Variants in TRAK1 observed in about 807,000 individuals in gnomAD.
TRAK1 encodes trafficking kinesin-binding protein 1.
In TRAK1, 33 loss-of-function variants were observed where a neutral mutation model predicts 92.1. That is an observed-to-expected ratio of 0.36 (90% CI 0.27 to 0.48). The LOEUF (loss-of-function observed/expected upper bound fraction) is 0.48, where lower values mean the gene tolerates loss of function less well. TRAK1 is among the 20% of genes least tolerant of loss of function. The pLI is 0.99. For synonymous variants in TRAK1, 521 were observed against 517.3 expected (o/e 1.01, Z -0.10); for missense variants, 1,123 against 1,257.9 (o/e 0.89, Z 1.62).
chr3:42,086,957 T>C (rs1308562376), upstream of TRAK1: 2 of 152,184 alleles, frequency 1.3e-5, no homozygotes, highest in East Asian at 3.8e-4. Flanking sequence ...AACTAAGCAA[T>C]GTGATTGGAG....
intron 1 of TRAK1, among the ~76,000 whole-genome samples, chr3:42,080,380 A>G (rs1485949208): frequency 6.6e-6 from 1 of 152,070 alleles, no homozygotes; most frequent in Non-Finnish European, 1.5e-5. Flanking sequence ...TATTCCTGGC[A>G]CCTCTTTTGC....
chr3:42,191,278 T>C (rs1057415400), intron 6 of TRAK1, among the ~76,000 whole-genome samples: 3 of 152,170 alleles, frequency 2.0e-5, no homozygotes, highest in African/African-American at 7.2e-5. Context: ...GTTCGTGGTG[T>C]TTTTAACAGA....
chr3:42,190,499 G>A (rs867214162), intron 6 of TRAK1, among the ~76,000 whole-genome samples: 14 of 152,084 alleles, frequency 9.2e-5, no homozygotes, highest in South Asian at 2.1e-4. Context: ...GCCAGTTGCT[G>A]GGCAAGGCAA....
chr3:42,040,553 T>G (rs1702493941), intron 1 of TRAK1, among the ~76,000 whole-genome samples: 1 of 152,206 alleles, frequency 6.6e-6, no homozygotes, highest in South Asian at 2.1e-4. Context: ...AAGACTGTTC[T>G]TTCCATATTG....
Position 42,194,970 on chromosome 3 carries a change from G to A in TRAK1, c.1113+29G>A, listed in dbSNP as rs1706382956. ...AGCTGTGCTTTCTTCCCAGCCAGAG[G>A]ACAGGAGGGGTTCTGGTGACAGGAG... On this transcript the variant is annotated intron_variant, in intron 10 of 15. Coordinates refer to ENST00000327628, the MANE Select transcript of TRAK1 (RefSeq NM_001042646.3). The A allele has an allele frequency of 1.9e-6, 3 of 1,611,614 alleles. No individual in the cohort carries two copies. In the Middle Eastern group the frequency reaches 5.0e-4, roughly 267 times the overall value.
At position 42,100,947 on chromosome 3, in the gene TRAK1, C is replaced by T. The variant is rs140885215; in HGVS notation, c.91+9387C>T. On this transcript the variant is annotated intron_variant, in intron 1 of 15. Transcript: ENST00000327628. ...CCTCCCAAAGTGCTGGGATTACAGGCGTGAGCCACCACGCCTGGCCAACTT... is the reference window on the plus strand; with the variant it reads ...CCTCCCAAAGTGCTGGGATTACAGGTGTGAGCCACCACGCCTGGCCAACTT... Among the ~76,000 whole-genome samples the T allele has an allele frequency of 5.7e-3, 865 of 152,354 alleles. 10 individuals carry two copies. Among genetic ancestry groups the T allele is most frequent in the African/African-American group, 0.02 (835 of 41,586 alleles).
intron 1 of TRAK1, among the ~76,000 whole-genome samples, chr3:42,025,941 C>G (rs1418860687): frequency 6.6e-6 from 1 of 152,222 alleles, no homozygotes; most frequent in Non-Finnish European, 1.5e-5. Context: ...AAATGCATCA[C>G]TATTTTTTTC....
chr3:42,191,330 C>T (rs1326410262), intron 6 of TRAK1, among the ~76,000 whole-genome samples: 2 of 152,138 alleles, frequency 1.3e-5, no homozygotes, highest in Non-Finnish European at 2.9e-5. Flanking sequence ...TGTGTGGCGC[C>T]CTCTAGTGGT....
At chr3:42,180,177 C>T (rs1220472369) in intron 3 of TRAK1, among the ~76,000 whole-genome samples, 1 of 152,112 alleles carries the variant, frequency 6.6e-6, no homozygotes, top group Non-Finnish European at 1.5e-5. Context: ...AAACTAGAGA[C>T]ACTACAATAA....
rs4234445 is a variant in TRAK1 at position 42,184,659 on chromosome 3, T to C, written c.364-26T>C. ...TCAGGAAACACAGGTCTTTTGAATCTCTGTTCTCCCTCTTTCCTTTTGTAG... is the reference window on the plus strand; with the variant it reads ...TCAGGAAACACAGGTCTTTTGAATCCCTGTTCTCCCTCTTTCCTTTTGTAG... On this transcript the variant is annotated intron_variant, in intron 3 of 15. Transcript: ENST00000327628. The C allele has an allele frequency of 0.7, 1,118,027 of 1,607,276 alleles. 392,762 individuals are homozygous for C. Among genetic ancestry groups the C allele is most frequent in the East Asian group, 0.99 (44,368 of 44,778 alleles).
chr3:42,104,432 A>AGAG (rs1264342786), intron 1 of TRAK1, among the ~76,000 whole-genome samples: 2 of 152,000 alleles, frequency 1.3e-5, no homozygotes, highest in Non-Finnish European at 2.9e-5. Context: ...AGCCTAACTG[A>AGAG]GAGGCAGCTC....
intron 1 of TRAK1, among the ~76,000 whole-genome samples, chr3:42,110,397 G>A (rs1708226761): frequency 6.6e-6 from 1 of 151,966 alleles, no homozygotes; most frequent in Non-Finnish European, 1.5e-5. Flanking sequence ...TAAGCTGAGA[G>A]CCATGCAAGG....
chr3:42,129,448 C>T (rs1047295806), intron 2 of TRAK1, among the ~76,000 whole-genome samples: 3 of 152,182 alleles, frequency 2.0e-5, no homozygotes, highest in Admixed American at 6.5e-5. Flanking sequence ...TGGAGAAACG[C>T]GGCTTTACCT....
At chr3:42,065,307 A>G (rs546075539) in intron 1 of TRAK1, among the ~76,000 whole-genome samples, 1 of 152,314 alleles carries the variant, frequency 6.6e-6, no homozygotes, top group East Asian at 1.9e-4. Context: ...TCCCTTTGCC[A>G]AAATGCTTGG....
chr3:42,110,646 C>T (rs1321896860), intron 1 of TRAK1, among the ~76,000 whole-genome samples: 4 of 152,114 alleles, frequency 2.6e-5, no homozygotes, highest in Non-Finnish European at 5.9e-5. Flanking sequence ...TGAGCTTTGC[C>T]ATTTGACAAC....
chr3:42,047,922 CTT>C (rs11422406), intron 1 of TRAK1, among the ~76,000 whole-genome samples: 11 of 129,182 alleles, frequency 8.5e-5, no homozygotes, highest in Non-Finnish European at 1.1e-4. Flanking sequence ...AGTTTCTTTT[CTT>C]TTTTTTTTTT....
At chr3:42,043,730 C>T (rs531322839) in intron 1 of TRAK1, among the ~76,000 whole-genome samples, 6 of 152,046 alleles carry the variant, frequency 3.9e-5, no homozygotes, top group Middle Eastern at 6.8e-3. Flanking sequence ...TTGGTATTTC[C>T]GGTTCTCCCA....
At chr3:42,100,662 C>T (rs1051939268) in intron 1 of TRAK1, among the ~76,000 whole-genome samples, 2 of 152,150 alleles carry the variant, frequency 1.3e-5, no homozygotes, top group African/African-American at 2.4e-5. Flanking sequence ...TTGTACTTTA[C>T]AAGACTTTAT....
At chr3:42,121,199 G>T (rs1320751783) in intron 1 of TRAK1, among the ~76,000 whole-genome samples, 1 of 152,124 alleles carries the variant, frequency 6.6e-6, no homozygotes, top group South Asian at 2.1e-4. Flanking sequence ...CACATTGCTG[G>T]GACGGTGAGA....
Sources: gnomAD v4.1 joint callset for allele counts (sites outside exome capture counted in the v4.1 genomes callset) on GRCh38, gnomAD v4.1.1 for gene constraint, MANE v1.5 for transcripts, NCBI Gene and HGNC (gene_info 2026-07-23, HGNC 2026-07-21) for gene names.